PREX1: variants seen among roughly 807,000 people sequenced by gnomAD.
PREX1 encodes the protein phosphatidylinositol 3,4,5-trisphosphate-dependent Rac exchanger 1 protein.
In PREX1, 41 loss-of-function variants were observed where a neutral mutation model predicts 198.3. That is an observed-to-expected ratio of 0.21 (90% CI 0.16 to 0.27). The LOEUF (loss-of-function observed/expected upper bound fraction) is 0.27, where lower values mean the gene tolerates loss of function less well. Among genes scored for constraint, PREX1 ranks in the 10% least tolerant of loss-of-function variants. PREX1 has a pLI of 1.00. For missense variants in PREX1, 1,620 were observed against 2,200.7 expected (o/e 0.74, Z 5.28); for synonymous variants, 843 against 887.2 (o/e 0.95, Z 0.89).
intron 15 of PREX1, among the ~76,000 whole-genome samples, chr20:48,660,307 T>C (rs1471592038): frequency 6.6e-6 from 1 of 152,206 alleles, no homozygotes; most frequent in Non-Finnish European, 1.5e-5. Flanking sequence ...ACATTAATAT[T>C]TTACAAAGCC....
chr20:48,819,217 G>A (rs1273507161), intron 1 of PREX1, among the ~76,000 whole-genome samples: 1 of 152,128 alleles, frequency 6.6e-6, no homozygotes, highest in East Asian at 1.9e-4. Context: ...CCATGCATCT[G>A]AGGCCCATGC....
the PREX1 span, among the ~76,000 whole-genome samples, chr20:48,869,862 G>A: frequency 6.6e-6 from 1 of 152,126 alleles, no homozygotes; most frequent in Non-Finnish European, 1.5e-5. Flanking sequence ...GGGTAAGCGG[G>A]GAGAGAGCAT....
intron 4 of PREX1, among the ~76,000 whole-genome samples, chr20:48,727,193 G>T (rs2090014234): frequency 1.3e-5 from 2 of 152,180 alleles, no homozygotes; most frequent in African/African-American, 4.8e-5. Flanking sequence ...ACCTTCAACT[G>T]TTACTGAAAA....
At position 48,642,493 on chromosome 20, in the gene PREX1, G is replaced by A; in HGVS notation, c.3602-4C>T. On this transcript the variant is annotated splice_region_variant and splice_polypyrimidine_tract_variant and intron_variant, in intron 27 of 39. Transcript: ENST00000371941. ...ATGTCACAGGGCAGCTCATCTCCTG[G>A]CAGGAGGTAGAAGCAGCAGCCATCA... 1 of 1,608,490 alleles carries A rather than the reference G, an allele frequency of 6.2e-7. No individual in the cohort carries two copies. Among genetic ancestry groups the A allele is most frequent in the South Asian group, 1.1e-5 (1 of 90,602 alleles).
the PREX1 span, among the ~76,000 whole-genome samples, chr20:48,840,390 A>C: frequency 6.6e-6 from 1 of 151,820 alleles, no homozygotes; most frequent in Non-Finnish European, 1.5e-5. Flanking sequence ...TCCATTTCCT[A>C]GTGCTAGACA....
chr20:48,660,112 C>T (rs746043528), intron 15 of PREX1, 51 bp from the exon 16 acceptor site: 2 of 1,603,558 alleles, frequency 1.2e-6, no homozygotes, highest in South Asian at 1.1e-5. Context: ...GGGAAAGTTT[C>T]AGCCATGTTT....
intron 3 of PREX1, among the ~76,000 whole-genome samples, chr20:48,744,476 G>T (rs996372490): frequency 6.6e-6 from 1 of 152,184 alleles, no homozygotes; most frequent in South Asian, 2.1e-4. Flanking sequence ...GAAAAAGAGG[G>T]TATGGAAAAG....
the PREX1 span, among the ~76,000 whole-genome samples, chr20:48,840,320 G>A: frequency 2.0e-5 from 3 of 148,390 alleles, no homozygotes; most frequent in East Asian, 2.0e-4. Context: ...TGACCACGAC[G>A]GCAAGTATTA....
chr20:48,844,111 G>A, the PREX1 span, among the ~76,000 whole-genome samples: 8 of 151,958 alleles, frequency 5.3e-5, no homozygotes, highest in East Asian at 1.5e-3. Context: ...CTGCACTCCA[G>A]CCTGGGCAAC....
chr20:48,717,917 A>G (rs1399418489), intron 5 of PREX1, among the ~76,000 whole-genome samples: 3 of 152,172 alleles, frequency 2.0e-5, no homozygotes, highest in African/African-American at 7.2e-5. Context: ...TAGTGATGAG[A>G]CCAAGCTAAA....
At chr20:48,720,426 T>C (rs1221557481) in intron 5 of PREX1, among the ~76,000 whole-genome samples, 3 of 152,070 alleles carry the variant, frequency 2.0e-5, no homozygotes, top group Non-Finnish European at 2.9e-5. Context: ...GCCTGACACA[T>C]AACAGTTGCT....
intron 1 of PREX1, among the ~76,000 whole-genome samples, chr20:48,787,892 G>T (rs2122953491): frequency 6.6e-6 from 1 of 152,232 alleles, no homozygotes; most frequent in South Asian, 2.1e-4. Flanking sequence ...ATATGGCTGT[G>T]GTTTGTTTTA....
intron 25 of PREX1, among the ~76,000 whole-genome samples, chr20:48,646,648 C>T (rs1291076877): frequency 1.4e-5 from 2 of 146,858 alleles, no homozygotes; most frequent in African/African-American, 2.6e-5. Flanking sequence ...AAGATCGCAC[C>T]ACTGCACAGA....
At chr20:48,763,978 G>C (rs2090196354) in intron 1 of PREX1, among the ~76,000 whole-genome samples, 1 of 152,180 alleles carries the variant, frequency 6.6e-6, no homozygotes, top group South Asian at 2.1e-4. Context: ...TGACGCGGCA[G>C]CCTCAGAGCA....
upstream of PREX1, among the ~76,000 whole-genome samples, chr20:48,828,807 T>TC (rs1490921760): frequency 1.3e-5 from 2 of 152,086 alleles, no homozygotes; most frequent in Non-Finnish European, 2.9e-5. Context: ...CCCTGCCTGC[T>TC]CCCCCTTCCA....
At chr20:48,802,354 C>T (rs907616486) in intron 1 of PREX1, among the ~76,000 whole-genome samples, 5 of 152,154 alleles carry the variant, frequency 3.3e-5, no homozygotes, top group African/African-American at 1.2e-4. Context: ...ACCCATTCTC[C>T]CCTCACTCAC....
chr20:48,711,459 C>T (rs997585926), intron 5 of PREX1, among the ~76,000 whole-genome samples: 2 of 152,158 alleles, frequency 1.3e-5, no homozygotes, highest in Non-Finnish European at 2.9e-5. Context: ...GGCCAGTCAG[C>T]TCCCGGTGGG....
intron 1 of PREX1, among the ~76,000 whole-genome samples, chr20:48,754,300 A>G (rs6019401): frequency 0.014 from 2,206 of 152,314 alleles, 57 homozygotes; most frequent in African/African-American, 0.051. Context: ...CCAGCGCAGT[A>G]AAGACCTTAT....
chr20:48,631,918 A>G (rs1332137686), intron 35 of PREX1, among the ~76,000 whole-genome samples: 3 of 152,102 alleles, frequency 2.0e-5, no homozygotes, highest in Non-Finnish European at 4.4e-5. Context: ...AAGAGTCCCA[A>G]GGTCCCCTGT....
Sources: gnomAD v4.1 joint callset for allele counts (sites outside exome capture counted in the v4.1 genomes callset) on GRCh38, gnomAD v4.1.1 for gene constraint, MANE v1.5 for transcripts, NCBI Gene and HGNC (gene_info 2026-07-23, HGNC 2026-07-21) for gene names.